The following GRID2 variants were observed in gnomAD, a reference collection of about 807,000 sequenced individuals.
GRID2 encodes the protein glutamate ionotropic receptor delta type subunit 2.
GRID2 carries 33 observed loss-of-function variants against 114.8 expected under a neutral mutation model. That is an observed-to-expected ratio of 0.29 (90% CI 0.22 to 0.38). GRID2 has a LOEUF of 0.38. Among genes scored for constraint, GRID2 ranks in the 10% least tolerant of loss-of-function variants. GRID2 has a pLI of 1.00. For missense variants in GRID2, 1,184 were observed against 1,257.7 expected (o/e 0.94, Z 0.89); for synonymous variants, 505 against 449.9 (o/e 1.12, Z -1.55).
intron 1 of GRID2, among the ~76,000 whole-genome samples, chr4:92,482,939 C>T (rs1722687769): frequency 6.6e-6 from 1 of 152,068 alleles, no homozygotes; most frequent in African/African-American, 2.4e-5. Flanking sequence ...ACTATAAATA[C>T]TAATAATATG....
intron 14 of GRID2, among the ~76,000 whole-genome samples, chr4:93,684,682 C>G (rs1235030411): frequency 6.6e-6 from 1 of 152,018 alleles, no homozygotes; most frequent in Non-Finnish European, 1.5e-5. Context: ...TTACAGGATT[C>G]TTGCCACAAA....
intron 2 of GRID2, among the ~76,000 whole-genome samples, chr4:92,683,627 A>G (rs993284478): frequency 3.9e-5 from 6 of 151,918 alleles, no homozygotes; most frequent in African/African-American, 1.4e-4. Flanking sequence ...TATGAATTTC[A>G]TTATATAGTT....
chr4:93,666,874 G>C (rs1033269288), intron 14 of GRID2, among the ~76,000 whole-genome samples: 2 of 151,926 alleles, frequency 1.3e-5, no homozygotes, highest in Non-Finnish European at 2.9e-5. Context: ...AAGAAAGAAG[G>C]AAAAAACAAA....
chr4:93,118,161 C>G (rs1223570446), intron 4 of GRID2, among the ~76,000 whole-genome samples: 1 of 152,162 alleles, frequency 6.6e-6, no homozygotes, highest in African/African-American at 2.4e-5. Context: ...CCCTGCTTCA[C>G]CAGATATCAT....
chr4:93,655,425 ATGAAAAATCTCTAACAGATCCACT>A (rs1273168475), intron 14 of GRID2, among the ~76,000 whole-genome samples: 3 of 152,130 alleles, frequency 2.0e-5, no homozygotes, highest in Non-Finnish European at 4.4e-5. Context: ...TATGCTGGAC[ATGAAAAATCTCTAACAGATCCACT>A]GTTTGGAAAA....
intron 1 of GRID2, among the ~76,000 whole-genome samples, chr4:92,565,699 T>C (rs1410998399): frequency 6.6e-6 from 1 of 151,956 alleles, no homozygotes; most frequent in Non-Finnish European, 1.5e-5. Flanking sequence ...ACTCCTATAG[T>C]GTGTGCTAAA....
At chr4:92,379,285 G>A (rs1729504224) in intron 1 of GRID2, among the ~76,000 whole-genome samples, 1 of 151,850 alleles carries the variant, frequency 6.6e-6, no homozygotes, top group African/African-American at 2.4e-5. Context: ...GAAGGGTATG[G>A]GGGATCCAAG....
At chr4:93,668,035 G>C (rs1051812198) in intron 14 of GRID2, among the ~76,000 whole-genome samples, 2 of 151,938 alleles carry the variant, frequency 1.3e-5, no homozygotes, top group East Asian at 3.9e-4. Flanking sequence ...GTGATTAAAA[G>C]ACTAGCATTT....
chr4:93,161,935 T>A (rs1737725507), intron 4 of GRID2, among the ~76,000 whole-genome samples: 1 of 151,918 alleles, frequency 6.6e-6, no homozygotes, highest in Admixed American at 6.6e-5. Flanking sequence ...ATTTAATTTT[T>A]AAGACATTCC....
At chr4:92,522,990 G>T (rs1724863968) in intron 1 of GRID2, among the ~76,000 whole-genome samples, 1 of 151,938 alleles carries the variant, frequency 6.6e-6, no homozygotes, top group Non-Finnish European at 1.5e-5. Flanking sequence ...AGTGCTCTCT[G>T]GTGATAAATA....
intron 2 of GRID2, among the ~76,000 whole-genome samples, chr4:92,900,404 ACCCTCCTCTCACCTT>A (rs1747480703): frequency 6.6e-6 from 1 of 151,910 alleles, no homozygotes; most frequent in African/African-American, 2.4e-5. Flanking sequence ...CTCATCTCCT[ACCCTCCTCTCACCTT>A]CCCACCCAGT....
chr4:93,598,545 C>G (rs1739345119), intron 13 of GRID2, among the ~76,000 whole-genome samples: 4 of 152,166 alleles, frequency 2.6e-5, no homozygotes, highest in Admixed American at 2.0e-4. Context: ...GCTCTCGTTT[C>G]TTTTCAACCA....
At chr4:92,659,152 TTA>T (rs1307405959) in intron 2 of GRID2, among the ~76,000 whole-genome samples, 10 of 151,562 alleles carry the variant, frequency 6.6e-5, no homozygotes, top group African/African-American at 2.4e-4. Context: ...TAAAACAAAA[TTA>T]TATCTTCTAA....
At chr4:93,379,114 A>T (rs1763628119) in intron 8 of GRID2, among the ~76,000 whole-genome samples, 1 of 152,118 alleles carries the variant, frequency 6.6e-6, no homozygotes, top group Non-Finnish European at 1.5e-5. Context: ...GCCACTAAGC[A>T]AACTCTATGA....
intron 8 of GRID2, among the ~76,000 whole-genome samples, chr4:93,301,696 A>C (rs1754887748): frequency 6.6e-6 from 1 of 152,158 alleles, no homozygotes; most frequent in Non-Finnish European, 1.5e-5. Context: ...AATCCTACGT[A>C]TTGTGGGTCA....
intron 8 of GRID2, among the ~76,000 whole-genome samples, chr4:93,254,218 C>G (rs143028508): frequency 9.2e-5 from 14 of 152,072 alleles, no homozygotes; most frequent in African/African-American, 2.9e-4. Context: ...AATAAATACA[C>G]TTTTCAGGGT....
intron 1 of GRID2, among the ~76,000 whole-genome samples, chr4:92,469,509 C>G (rs561453135): frequency 1.3e-5 from 2 of 152,190 alleles, no homozygotes; most frequent in South Asian, 4.1e-4. Flanking sequence ...GAATAGTTGT[C>G]ATACCATGTT....
chr4:93,784,067 G>A (rs1734539233), intron 1 of GRID2, among the ~76,000 whole-genome samples: 2 of 57,782 alleles, frequency 3.5e-5, no homozygotes, highest in Admixed American at 3.2e-4. Flanking sequence ...GCGAGACTCC[G>A]TCTCAAAAAA....
intron 2 of GRID2, among the ~76,000 whole-genome samples, chr4:92,652,787 C>T (rs1175765347): frequency 7.9e-6 from 1 of 126,442 alleles, no homozygotes; most frequent in Admixed American, 8.5e-5. Flanking sequence ...ACCAGCCTGG[C>T]CAAGATGGTG....
Sources: allele counts gnomAD v4.1 joint callset (sites outside exome capture counted in the v4.1 genomes callset), GRCh38; gene constraint gnomAD v4.1.1; transcripts MANE v1.5; gene names NCBI Gene and HGNC (gene_info 2026-07-23, HGNC 2026-07-21).